Variants in GRID1 observed in about 807,000 individuals in gnomAD.
GRID1 encodes the protein glutamate receptor ionotropic, delta-1.
A neutral mutation model predicts 98.0 loss-of-function variants in GRID1; 28 were observed. The ratio of observed to expected loss-of-function variants is 0.29; its 90% CI spans 0.21 to 0.39. GRID1 has a LOEUF of 0.39. Among genes scored for constraint, GRID1 ranks in the 10% least tolerant of loss-of-function variants. GRID1 has a pLI of 1.00. For synonymous variants in GRID1, 553 were observed against 538.5 expected, an observed-to-expected ratio of 1.03 and a Z score of -0.37; for missense variants, 1,111 against 1,340.5, an observed-to-expected ratio of 0.83 and a Z score of 2.67.
At chr10:86,030,254 G>A (rs368207789) in intron 4 of GRID1, among the ~76,000 whole-genome samples, 1 of 152,140 alleles carries the variant, frequency 6.6e-6, no homozygotes, top group Non-Finnish European at 1.5e-5. Context: ...GAGAACGGTT[G>A]GTTTAAAACA....
intron 8 of GRID1, among the ~76,000 whole-genome samples, chr10:85,815,262 T>A (rs1277657019): frequency 6.6e-6 from 1 of 152,032 alleles, no homozygotes; most frequent in Non-Finnish European, 1.5e-5. Context: ...ATAAAAGACA[T>A]CTTTTTAAAA....
At chr10:85,990,089 A>G (rs936684596) in intron 4 of GRID1, among the ~76,000 whole-genome samples, 26 of 152,344 alleles carry the variant, frequency 1.7e-4, no homozygotes, top group Admixed American at 1.5e-3. Context: ...TTCCTGTAGT[A>G]TATGAGCCAC....
intron 4 of GRID1, among the ~76,000 whole-genome samples, chr10:86,128,176 G>A (rs547332589): frequency 8.6e-6 from 1 of 116,598 alleles, no homozygotes; most frequent in Non-Finnish European, 1.6e-5. Flanking sequence ...GGTTTCCTCT[G>A]TGAGAGGAGA....
At chr10:86,358,863 AAGG>A (rs547557557) in intron 2 of GRID1, among the ~76,000 whole-genome samples, 134 of 151,720 alleles carry the variant, frequency 8.8e-4, no homozygotes, top group African/African-American at 2.7e-3. Context: ...AGAGTCAGAG[AAGG>A]AGATGTGATG....
chr10:86,167,744 T>C (rs1050066336), intron 3 of GRID1, among the ~76,000 whole-genome samples: 3 of 152,234 alleles, frequency 2.0e-5, no homozygotes, highest in African/African-American at 7.2e-5. Flanking sequence ...GAGACTCTGA[T>C]GTTAGACACA....
chr10:86,125,653 T>A (rs1364319105), intron 4 of GRID1, among the ~76,000 whole-genome samples: 1 of 152,174 alleles, frequency 6.6e-6, no homozygotes, highest in East Asian at 1.9e-4. Context: ...TTTCACTGAA[T>A]GTGACTGCCT....
chr10:86,156,211 G>A (rs35081896), intron 3 of GRID1, among the ~76,000 whole-genome samples: 15,912 of 152,226 alleles, frequency 0.1, 1,169 homozygotes, highest in African/African-American at 0.21. Flanking sequence ...CAGCACATCC[G>A]TCTTCCTCTG....
At chr10:85,863,268 T>C (rs1345951865) in intron 6 of GRID1, among the ~76,000 whole-genome samples, 1 of 152,202 alleles carries the variant, frequency 6.6e-6, no homozygotes, top group Non-Finnish European at 1.5e-5. Flanking sequence ...TGCTTTCTCA[T>C]CTTGCCCTGG....
chr10:85,962,543 A>G (rs1842282964), intron 4 of GRID1, among the ~76,000 whole-genome samples: 1 of 152,174 alleles, frequency 6.6e-6, no homozygotes, highest in Non-Finnish European at 1.5e-5. Flanking sequence ...GGAAGAAAAC[A>G]TCATCACAGA....
At chr10:86,021,342 G>A (rs546946754) in intron 4 of GRID1, among the ~76,000 whole-genome samples, 1 of 152,262 alleles carries the variant, frequency 6.6e-6, no homozygotes, top group East Asian at 1.9e-4. Context: ...CAACAATGCT[G>A]TGATCTGATC....
rs967457140 is a variant in GRID1, at chr10:85,966,851, G to A, written c.727-50612C>T. Among the ~76,000 whole-genome samples the A allele has an allele frequency of 3.3e-5, 5 of 151,562 alleles. 1 individual carries two copies. ...GCAGAAAGAAATATATGACCACCAA[G>A]TATTAGCTGACTACTAAGAAAACTG... is the stretch of plus-strand genomic sequence containing the variant. On this transcript the variant is annotated intron_variant, in intron 4 of 15. Transcript: ENST00000327946.
chr10:85,946,847 C>T (rs1288448918), intron 4 of GRID1, among the ~76,000 whole-genome samples: 1 of 152,166 alleles, frequency 6.6e-6, no homozygotes, highest in Non-Finnish European at 1.5e-5. Flanking sequence ...TGTGGAGCTG[C>T]CTGGTGACCT....
intron 13 of GRID1, among the ~76,000 whole-genome samples, chr10:85,643,315 A>C (rs1362924259): frequency 6.6e-6 from 1 of 152,040 alleles, no homozygotes; most frequent in Non-Finnish European, 1.5e-5. Flanking sequence ...TCTGTTTGGG[A>C]TTTGGAGAGG....
chr10:86,038,033 C>A (rs888416752), intron 4 of GRID1, among the ~76,000 whole-genome samples: 5 of 152,016 alleles, frequency 3.3e-5, no homozygotes, highest in African/African-American at 1.2e-4. Context: ...GAGATTAGGA[C>A]ACAGACACTC....
At chr10:86,246,551 A>G (rs1333714162) in intron 2 of GRID1, among the ~76,000 whole-genome samples, 1 of 152,114 alleles carries the variant, frequency 6.6e-6, no homozygotes, top group Non-Finnish European at 1.5e-5. Flanking sequence ...CATGGGGACC[A>G]CTGAGCCATC....
intron 2 of GRID1, among the ~76,000 whole-genome samples, chr10:86,220,280 A>G (rs1249386708): frequency 6.6e-6 from 1 of 152,154 alleles, no homozygotes; most frequent in Non-Finnish European, 1.5e-5. Flanking sequence ...ACTCTCAGAG[A>G]GAAGGACTGG....
chr10:85,767,764 T>G (rs1564584008), intron 8 of GRID1, among the ~76,000 whole-genome samples: 1 of 152,234 alleles, frequency 6.6e-6, no homozygotes, highest in Non-Finnish European at 1.5e-5. Context: ...CTATTCCACC[T>G]TTGATATTTC....
At chr10:86,041,850 C>A (rs1843350177) in intron 4 of GRID1, among the ~76,000 whole-genome samples, 1 of 152,202 alleles carries the variant, frequency 6.6e-6, no homozygotes, top group African/African-American at 2.4e-5. Context: ...CAATTTCCAC[C>A]ACTTTTCACC....
Position 86,364,016 on chromosome 10 carries a change from T to C in GRID1, c.160A>G (p.Ile54Val). The C allele has an allele frequency of 6.2e-7, 1 of 1,613,964 alleles. No homozygotes were observed. Among genetic ancestry groups the C allele is most frequent in the Non-Finnish European group, 8.5e-7 (1 of 1,179,820 alleles). ...TAGGTGATCTTCTCGCTCTGCAGGA[T>C]GTCATCGTTGAGGCTCAGGTCGGAT... ...AVSDLSLNDD[I>V]LQSEKITYSI... Residue 54 changes from isoleucine to valine, a missense_variant, in exon 2 of 16, where the codon ATC becomes GTC. Ile to Val is a conservative substitution (Grantham distance 29, BLOSUM62 3). Around this residue, in one of 3 missense-constraint regions of GRID1, gnomAD observed 346 missense variants for 452.3 expected, o/e 0.76. Transcript: ENST00000327946.
Sources: allele counts gnomAD v4.1 joint callset (sites outside exome capture counted in the v4.1 genomes callset), GRCh38; gene constraint gnomAD v4.1.1; regional missense constraint gnomAD v4.1.1; transcripts MANE v1.5; gene names NCBI Gene and HGNC (gene_info 2026-07-23, HGNC 2026-07-21).